Variants in FBXW7 observed in about 807,000 individuals in gnomAD.
FBXW7 encodes the protein F-box and WD repeat domain containing 7.
Under a neutral mutation model 86.3 loss-of-function variants are expected in FBXW7, and 11 were observed. The ratio of observed to expected loss-of-function variants is 0.13; its 90% CI spans 0.08 to 0.21. FBXW7 has a LOEUF of 0.21. Ranked by LOEUF, FBXW7 falls within the 10% of genes least tolerant of loss-of-function variation. The pLI is 1.00. For missense variants in FBXW7, 488 were observed against 847.4 expected (o/e 0.58, Z 5.27); for synonymous variants, 313 against 297.9 (o/e 1.05, Z -0.52).
At chr4:152,420,558 A>AT (rs1188379172) in intron 2 of FBXW7, among the ~76,000 whole-genome samples, 2 of 152,192 alleles carry the variant, frequency 1.3e-5, no homozygotes, top group Non-Finnish European at 2.9e-5. Context: ...CTTAAGAAAT[A>AT]TATTTTTTAA....
Position 152,411,375 on chromosome 4 carries a change from G to A in FBXW7, c.429C>T (p.Val143=), listed in dbSNP as rs2126877112. ...GGTCCACAATACTACTGGAGTTCGT[G>A]ACACTGTTAGTATGTGTATGTTCAT... ...REDEHTHTNS[V]TNSSSIVDLP... is the part of the protein sequence containing the mutation. Residue 143 remains valine, a synonymous_variant, in exon 4 of 14, where the codon GTC becomes GTT. Coordinates refer to ENST00000281708, the MANE Select transcript of FBXW7 (RefSeq NM_001349798.2). The A allele has an allele frequency of 6.2e-7, 1 of 1,613,582 alleles. No homozygotes were observed.
rs116020017 is a variant in FBXW7, at chr4:152,524,897, T to C, written c.-120+10044A>G. Among the ~76,000 whole-genome samples the C allele has an allele frequency of 2.7e-3, 409 of 152,320 alleles. 3 individuals are homozygous for C. The highest frequency in any genetic ancestry group is 9.2e-3 in the African/African-American group (381 of 41,572). ...CTCACTGTATAAGCATTCTAGTTTATACTATCAAATTCACACAGCAGTCAA... is the reference window on the plus strand; with the variant it reads ...CTCACTGTATAAGCATTCTAGTTTACACTATCAAATTCACACAGCAGTCAA... On this transcript the variant is annotated intron_variant, in intron 2 of 13. Coordinates refer to ENST00000281708, the MANE Select transcript of FBXW7 (RefSeq NM_001349798.2).
At chr4:152,488,085 T>C (rs539671601) in intron 2 of FBXW7, among the ~76,000 whole-genome samples, 1 of 152,198 alleles carries the variant, frequency 6.6e-6, no homozygotes, top group East Asian at 1.9e-4. Flanking sequence ...CTTTTAAAAC[T>C]GAACATTCTT....
At chr4:152,393,916 C>G (rs1736199975) in intron 4 of FBXW7, among the ~76,000 whole-genome samples, 1 of 152,024 alleles carries the variant, frequency 6.6e-6, no homozygotes. Context: ...AAATTTTAAA[C>G]ATCATTTTTA....
chr4:152,488,921 A>C (rs1316880431), intron 2 of FBXW7, among the ~76,000 whole-genome samples: 1 of 152,074 alleles, frequency 6.6e-6, no homozygotes, highest in Non-Finnish European at 1.5e-5. Flanking sequence ...CAAGCAACTC[A>C]ATTTAGGGAG....
chr4:152,515,172 T>C (rs1372579502), intron 2 of FBXW7, among the ~76,000 whole-genome samples: 2 of 152,102 alleles, frequency 1.3e-5, no homozygotes, highest in African/African-American at 2.4e-5. Context: ...TAATGCCTAA[T>C]AAAGAAACTA....
At chr4:152,347,101 A>G in intron 5 of FBXW7, 30 bp from the exon 6 acceptor site, 3 of 1,575,516 alleles carry the variant, frequency 1.9e-6, no homozygotes, top group Non-Finnish European at 2.6e-6. Context: ...AGAGAGAGAA[A>G]GGATAAAAGG....
At chr4:152,337,705 C>G in intron 7 of FBXW7, 97 bp downstream of exon 7, 1 of 1,286,290 alleles carries the variant, frequency 7.8e-7, no homozygotes, top group South Asian at 1.5e-5. Flanking sequence ...CTGACAATAC[C>G]GAATACCATA....
intron 2 of FBXW7, among the ~76,000 whole-genome samples, chr4:152,434,961 C>G (rs992823898): frequency 1.3e-3 from 198 of 149,732 alleles, no homozygotes; most frequent in African/African-American, 4.1e-3. Flanking sequence ...CCCCCGCTCC[C>G]CCCCCCCCAC....
intron 2 of FBXW7, among the ~76,000 whole-genome samples, chr4:152,532,589 A>C (rs919634151): frequency 6.6e-6 from 1 of 152,182 alleles, no homozygotes; most frequent in Non-Finnish European, 1.5e-5. Context: ...TTGTGTCTCC[A>C]CTTGCTCTTT....
chr4:152,409,631 G>T (rs1345028387), intron 4 of FBXW7, among the ~76,000 whole-genome samples: 1 of 152,078 alleles, frequency 6.6e-6, no homozygotes, highest in Non-Finnish European at 1.5e-5. Context: ...AAATAGCTTT[G>T]TATTCTTCAT....
intron 2 of FBXW7, among the ~76,000 whole-genome samples, chr4:152,524,969 T>G (rs1049238937): frequency 2.0e-5 from 3 of 152,090 alleles, no homozygotes; most frequent in Non-Finnish European, 2.9e-5. Flanking sequence ...ACCCAAATAT[T>G]TATTTACACA....
chr4:152,347,118 AC>A (rs770549300), intron 5 of FBXW7, 47 bp from the exon 6 acceptor site: 30 of 1,530,648 alleles, frequency 2.0e-5, no homozygotes, highest in South Asian at 1.1e-4. Context: ...AAGGAAAAAA[AC>A]AAAAGTGAAA....
chr4:152,366,014 T>C (rs1024837095), intron 4 of FBXW7, among the ~76,000 whole-genome samples: 1 of 152,176 alleles, frequency 6.6e-6, no homozygotes, highest in Non-Finnish European at 1.5e-5. Context: ...ACACAAGACA[T>C]ACCCTAATCA....
intron 2 of FBXW7, among the ~76,000 whole-genome samples, chr4:152,496,427 C>G (rs1309067732): frequency 3.3e-5 from 5 of 151,644 alleles, no homozygotes; most frequent in African/African-American, 9.7e-5. Context: ...CGCAGTGGCT[C>G]ACGCCTATAA....
intron 2 of FBXW7, chr4:152,489,459 C>G (rs574072932): frequency 6.5e-6 from 1 of 152,728 alleles, no homozygotes; most frequent in Non-Finnish European, 1.5e-5. Context: ...CATTCATACT[C>G]AGTATAACTA....
intron 2 of FBXW7, among the ~76,000 whole-genome samples, chr4:152,444,345 C>G (rs772594300): frequency 6.6e-6 from 1 of 151,758 alleles, no homozygotes; most frequent in Non-Finnish European, 1.5e-5. Context: ...AACCATTTAT[C>G]TGATGTTTGA....
At chr4:152,520,172 G>A (rs1284538486) in intron 2 of FBXW7, among the ~76,000 whole-genome samples, 3 of 152,076 alleles carry the variant, frequency 2.0e-5, no homozygotes, top group African/African-American at 4.8e-5. Flanking sequence ...GGTGGCTCAC[G>A]CCTGTAATCC....
At chr4:152,524,611 G>A (rs1749327112) in intron 2 of FBXW7, among the ~76,000 whole-genome samples, 2 of 152,236 alleles carry the variant, frequency 1.3e-5, no homozygotes, top group East Asian at 1.9e-4. Flanking sequence ...AGAAATAACA[G>A]GGTGTGACCT....
Sources: allele counts gnomAD v4.1 joint callset (sites outside exome capture counted in the v4.1 genomes callset), GRCh38; gene constraint gnomAD v4.1.1; transcripts MANE v1.5; gene names NCBI Gene and HGNC (gene_info 2026-07-23, HGNC 2026-07-21).